Variants in BRD10 observed in about 807,000 individuals in gnomAD.
The protein encoded by BRD10 is bromodomain containing 10.
chr9:5,914,409 G>GTTTTTTTT, the BRD10 span, among the ~76,000 whole-genome samples: 86 of 106,952 alleles, frequency 8.0e-4, 10 homozygotes, highest in Middle Eastern at 0.013. Context: ...AAATCCAGAT[G>GTTTTTTTT]GTTTTTTTTT....
the BRD10 span, among the ~76,000 whole-genome samples, chr9:5,882,372 T>TC: frequency 6.6e-6 from 1 of 152,184 alleles, no homozygotes; most frequent in Non-Finnish European, 1.5e-5. Context: ...AGCAAGGATT[T>TC]CGCATGAGAC....
At chr9:5,924,805 G>A in the BRD10 span, 10 of 1,545,896 alleles carry the variant, frequency 6.5e-6, 1 homozygote, top group South Asian at 1.0e-4. Flanking sequence ...TCATGATCAG[G>A]TTGTCTTCTG....
chr9:6,007,379 T>A, the BRD10 span: 2 of 1,612,606 alleles, frequency 1.2e-6, no homozygotes, highest in East Asian at 2.2e-5. Context: ...AGCAGACACA[T>A]GCCCTGTCCG....
the BRD10 span, chr9:5,920,784 A>C: frequency 6.2e-7 from 1 of 1,614,006 alleles, no homozygotes; most frequent in African/African-American, 1.3e-5. Flanking sequence ...TGCAAAGCTG[A>C]TGTTAAACAT....
the BRD10 span, among the ~76,000 whole-genome samples, chr9:5,940,863 A>C: frequency 6.6e-6 from 1 of 152,248 alleles, no homozygotes. Flanking sequence ...TATCTGATAA[A>C]AGATGTATTA....
the BRD10 span, among the ~76,000 whole-genome samples, chr9:5,964,979 C>T: frequency 1.6e-4 from 23 of 147,048 alleles, no homozygotes; most frequent in East Asian, 3.4e-3. Flanking sequence ...GTGGGTGCAG[C>T]GCACCAGCAT....
the BRD10 span, among the ~76,000 whole-genome samples, chr9:5,956,872 C>T: frequency 6.6e-6 from 1 of 152,076 alleles, no homozygotes; most frequent in Non-Finnish European, 1.5e-5. Flanking sequence ...ATTATTCACT[C>T]TGTATTTACA....
chr9:5,921,701 A>G, the BRD10 span: 6 of 1,613,612 alleles, frequency 3.7e-6, no homozygotes, highest in Admixed American at 1.7e-5. Context: ...AGTATGAATA[A>G]TATTTGCATT....
chr9:6,000,287 T>C, the BRD10 span, among the ~76,000 whole-genome samples: 5 of 152,152 alleles, frequency 3.3e-5, no homozygotes, highest in Non-Finnish European at 7.4e-5. Context: ...CCACTGGGGC[T>C]TATTAGCCTT....
chr9:5,882,863 C>T, the BRD10 span, among the ~76,000 whole-genome samples: 1 of 152,128 alleles, frequency 6.6e-6, no homozygotes, highest in Non-Finnish European at 1.5e-5. Context: ...TTTGTAGGGA[C>T]ATGGATGAAG....
chr9:6,000,780 T>C, the BRD10 span, among the ~76,000 whole-genome samples: 48 of 152,366 alleles, frequency 3.2e-4, no homozygotes, highest in African/African-American at 1.2e-3. Flanking sequence ...CAGCTTTTAA[T>C]ATACATTATA....
At chr9:5,933,196 T>A in the BRD10 span, among the ~76,000 whole-genome samples, 2 of 152,312 alleles carry the variant, frequency 1.3e-5, no homozygotes, top group Non-Finnish European at 2.9e-5. Flanking sequence ...CTCTCCTTTA[T>A]AAACAAGTAT....
At chr9:5,960,520 C>T in the BRD10 span, among the ~76,000 whole-genome samples, 16 of 150,774 alleles carry the variant, frequency 1.1e-4, no homozygotes, top group African/African-American at 3.9e-4. Flanking sequence ...AGAGAATGCG[C>T]CAATGCACTC....
the BRD10 span, chr9:5,988,466 T>C: frequency 1.9e-6 from 3 of 1,613,928 alleles, no homozygotes; most frequent in African/African-American, 1.3e-5. Flanking sequence ...CTTGTTGAGG[T>C]ACATGCAGTT....
chr9:5,899,024 G>C, the BRD10 span: 1 of 152,150 alleles, frequency 6.6e-6, no homozygotes, highest in Non-Finnish European at 1.5e-5. Context: ...CATCAACTGA[G>C]TTTATAAGCT....
At chr9:5,968,798 C>T in the BRD10 span, 2 of 1,613,872 alleles carry the variant, frequency 1.2e-6, no homozygotes, top group Non-Finnish European at 1.7e-6. Flanking sequence ...TACATCTGCA[C>T]CACAGAACTG....
chr9:5,920,711 A>T, the BRD10 span: 1 of 1,613,934 alleles, frequency 6.2e-7, no homozygotes, highest in South Asian at 1.1e-5. Context: ...CGAATGTGGA[A>T]CTGTGTTTAT....
the BRD10 span, among the ~76,000 whole-genome samples, chr9:5,986,132 C>G: frequency 2.0e-5 from 3 of 152,158 alleles, no homozygotes; most frequent in Non-Finnish European, 2.9e-5. Flanking sequence ...CTCCCTCTAC[C>G]CACCTTACAG....
the BRD10 span, among the ~76,000 whole-genome samples, chr9:5,881,060 C>G: frequency 2.0e-5 from 3 of 152,118 alleles, no homozygotes; most frequent in African/African-American, 7.2e-5. Flanking sequence ...CTAACTCATC[C>G]AGGGATAAGA....
Sources: gnomAD v4.1 joint callset for allele counts (sites outside exome capture counted in the v4.1 genomes callset) on GRCh38, gnomAD v4.1.1 for gene constraint, MANE v1.5 for transcripts, NCBI Gene and HGNC (gene_info 2026-07-23, HGNC 2026-07-21) for gene names.